The following DCT variants were observed in gnomAD, a reference collection of about 807,000 sequenced individuals.
DCT encodes L-dopachrome tautomerase.
In DCT, 47 loss-of-function variants were observed where a neutral mutation model predicts 53.0. The ratio of observed to expected loss-of-function variants is 0.89; its 90% CI spans 0.70 to 1.13. The LOEUF is 1.13. Among genes scored for constraint, DCT ranks in the 50% most tolerant of loss-of-function variants. DCT has a pLI of 0.00. For synonymous variants in DCT, 244 were observed against 237.0 expected (o/e 1.03, Z -0.27); for missense variants, 669 against 637.4 (o/e 1.05, Z -0.53).
rs1885338601 is a variant in DCT, at chr13:94,479,414, C to T, written c.-159G>A. 2 of 703,612 alleles carry T rather than the reference C, an allele frequency of 2.8e-6. No individual in the cohort carries two copies. The highest frequency in any genetic ancestry group is 3.6e-5 in the African/African-American group (2 of 55,734). 43.6% of individuals were successfully genotyped at this position (703,612 alleles called of 1,614,324 possible). A position where few individuals can be genotyped will look rare whatever the true frequency, so the allele number is the denominator to read the frequency against. ...CTTAAAAAAATACCCACAAGAATCA[C>T]AGAGGTTACATGTGTGCACATGTGT... On this transcript the variant is annotated 5_prime_UTR_variant, in exon 1 of 8. In the 5' UTR this introduces an upstream ATG that the reference lacks. Coordinates refer to ENST00000377028, the MANE Select transcript of DCT (RefSeq NM_001922.5).
chr13:94,466,804 C>A, intron 2 of DCT, 146 bp from the exon 3 acceptor site: 1 of 439,700 alleles, frequency 2.3e-6, no homozygotes, highest in South Asian at 5.8e-5. Flanking sequence ...TTTATATCTC[C>A]AAAAGCAATA....
At chr13:94,488,336 A>T in the DCT span, among the ~76,000 whole-genome samples, 1 of 152,148 alleles carries the variant, frequency 6.6e-6, no homozygotes, top group South Asian at 2.1e-4. Flanking sequence ...AAATATATAT[A>T]TTTTTAGACA....
chr13:94,536,234 A>C, the DCT span, among the ~76,000 whole-genome samples: 2 of 152,184 alleles, frequency 1.3e-5, no homozygotes, highest in African/African-American at 4.8e-5. Context: ...GATGCCATGT[A>C]CCAAAAGGCC....
At chr13:94,534,689 C>T in the DCT span, among the ~76,000 whole-genome samples, 1 of 152,182 alleles carries the variant, frequency 6.6e-6, no homozygotes, top group Non-Finnish European at 1.5e-5. Flanking sequence ...CTACTGCCAT[C>T]GGCTGCCCTG....
chr13:94,488,008 G>A, the DCT span, among the ~76,000 whole-genome samples: 3 of 151,834 alleles, frequency 2.0e-5, no homozygotes, highest in Non-Finnish European at 4.4e-5. Flanking sequence ...CCTTAAGTCT[G>A]TGTTTATACA....
At chr13:94,455,651 C>T (rs1566820763) in intron 6 of DCT, among the ~76,000 whole-genome samples, 1 of 152,226 alleles carries the variant, frequency 6.6e-6, no homozygotes, top group Non-Finnish European at 1.5e-5. Flanking sequence ...AGAATATTTG[C>T]TACCTGGCTA....
At chr13:94,465,601 C>G in intron 4 of DCT, 32 bp downstream of exon 4, 2 of 1,605,810 alleles carry the variant, frequency 1.2e-6, no homozygotes, top group Non-Finnish European at 1.7e-6. Flanking sequence ...AAGACAATCT[C>G]TGGATGCCAT....
upstream of DCT, among the ~76,000 whole-genome samples, chr13:94,483,866 G>A (rs537846612): frequency 2.1e-4 from 32 of 152,176 alleles, no homozygotes; most frequent in African/African-American, 7.0e-4. Context: ...CACAGTTCAC[G>A]ATTTGACCTC....
the DCT span, among the ~76,000 whole-genome samples, chr13:94,547,448 C>A: frequency 6.6e-6 from 1 of 151,940 alleles, no homozygotes; most frequent in Non-Finnish European, 1.5e-5. Flanking sequence ...CTTTCACTCC[C>A]GCTGTAAAAC....
the DCT span, among the ~76,000 whole-genome samples, chr13:94,503,091 G>A: frequency 6.6e-6 from 1 of 152,146 alleles, no homozygotes; most frequent in Middle Eastern, 3.2e-3. Flanking sequence ...TGAAAATACA[G>A]TTAGGTTGGG....
chr13:94,503,944 G>T, the DCT span, among the ~76,000 whole-genome samples: 58,156 of 152,026 alleles, frequency 0.38, 11,602 homozygotes, highest in East Asian at 0.61. Context: ...CTTTATACCT[G>T]TAAAATGAAT....
the DCT span, among the ~76,000 whole-genome samples, chr13:94,502,328 C>T: frequency 6.6e-6 from 1 of 152,104 alleles, no homozygotes; most frequent in African/African-American, 2.4e-5. Context: ...GCCCCTTTCT[C>T]TCACCATCAT....
At chr13:94,461,925 C>G in intron 5 of DCT, 85 bp downstream of exon 5, 1 of 1,239,126 alleles carries the variant, frequency 8.1e-7, no homozygotes, top group East Asian at 2.4e-5. Context: ...ACCCCCAAAA[C>G]CTGGGTTTCC....
the DCT span, among the ~76,000 whole-genome samples, chr13:94,517,392 C>T: frequency 2.6e-5 from 4 of 152,172 alleles, no homozygotes; most frequent in African/African-American, 7.2e-5. Context: ...CAGATACCAC[C>T]CTCATGATCT....
chr13:94,469,026 A>G lies in DCT; in HGVS notation c.315T>C (p.Asn105=). 3.1e-6 allele frequency: 5 copies of G among 1,612,662 alleles called. No homozygotes were observed. Among genetic ancestry groups the G allele is most frequent in the South Asian group, 1.1e-5 (1 of 91,070 alleles). Residue 105 remains asparagine (N), a synonymous_variant, in exon 2 of 8, where the codon AAT becomes AAC. Transcript: ENST00000377028. ...CKCTGNFAGY[N]CGDCKFGWTG... is the part of the protein sequence containing the mutation. ...TCCAGCCAAACTTGCAGTCTCCACA[A>G]TTATAGCCGGCAAAGTTTCCTAGTT... is the stretch of plus-strand genomic sequence containing the variant.
At chr13:94,498,843 C>T in the DCT span, among the ~76,000 whole-genome samples, 1 of 152,156 alleles carries the variant, frequency 6.6e-6, no homozygotes. Flanking sequence ...CCAATCATTG[C>T]TCTATGTCTA....
intron 7 of DCT, among the ~76,000 whole-genome samples, chr13:94,442,753 A>G (rs761081441): frequency 6.6e-6 from 1 of 152,246 alleles, no homozygotes; most frequent in African/African-American, 2.4e-5. Context: ...GTCAGCCTTC[A>G]TGAACCTATC....
the DCT span, among the ~76,000 whole-genome samples, chr13:94,547,714 G>A: frequency 1.3e-4 from 19 of 151,754 alleles, no homozygotes; most frequent in African/African-American, 4.4e-4. Context: ...TCTTGGCTGG[G>A]CACACTAGCT....
chr13:94,518,682 C>T, the DCT span, among the ~76,000 whole-genome samples: 1 of 152,176 alleles, frequency 6.6e-6, no homozygotes, highest in Non-Finnish European at 1.5e-5. Context: ...TCTCTGCATC[C>T]ATTCTTGCTT....
Sources: allele counts gnomAD v4.1 joint callset (sites outside exome capture counted in the v4.1 genomes callset), GRCh38; gene constraint gnomAD v4.1.1; transcripts MANE v1.5; gene names NCBI Gene and HGNC (gene_info 2026-07-23, HGNC 2026-07-21).